CDC42SE2: variants seen among roughly 807,000 people sequenced by gnomAD.
The protein encoded by CDC42SE2 is CDC42 small effector protein 2.
In CDC42SE2, 3 loss-of-function variants were observed where a neutral mutation model predicts 11.5. That is an observed-to-expected ratio of 0.26 (90% confidence interval 0.12 to 0.67). CDC42SE2 has a LOEUF of 0.67. CDC42SE2 is among the 30% of genes least tolerant of loss of function. CDC42SE2 has a pLI of 0.80. For synonymous variants in CDC42SE2, 33 were observed against 34.8 expected, an observed-to-expected ratio of 0.95 and a Z score of 0.18; for missense variants, 82 against 106.8, an observed-to-expected ratio of 0.77 and a Z score of 1.02.
At chr5:131,356,825 C>G (rs2149768250) in intron 2 of CDC42SE2, among the ~76,000 whole-genome samples, 1 of 152,206 alleles carries the variant, frequency 6.6e-6, no homozygotes, top group East Asian at 1.9e-4. Context: ...GGAGGATCAC[C>G]TGAGCTCAGA....
the CDC42SE2 span, among the ~76,000 whole-genome samples, chr5:131,215,893 TA>T: frequency 6.6e-6 from 1 of 152,228 alleles, no homozygotes; most frequent in Non-Finnish European, 1.5e-5. Context: ...AACTGTCTTT[TA>T]AAAATTATGA....
chr5:131,215,195 C>T, the CDC42SE2 span, among the ~76,000 whole-genome samples: 1 of 152,224 alleles, frequency 6.6e-6, no homozygotes, highest in African/African-American at 2.4e-5. Flanking sequence ...CTAGTCACAG[C>T]TGTGTCGCTG....
At chr5:131,335,585 T>C (rs1758536705) in intron 2 of CDC42SE2, among the ~76,000 whole-genome samples, 2 of 152,206 alleles carry the variant, frequency 1.3e-5, no homozygotes, top group South Asian at 4.1e-4. Flanking sequence ...TCTCCCGTTA[T>C]TATCGTGTGG....
chr5:131,369,522 T>A (rs1315000899), intron 3 of CDC42SE2, among the ~76,000 whole-genome samples: 2 of 152,240 alleles, frequency 1.3e-5, no homozygotes, highest in African/African-American at 4.8e-5. Flanking sequence ...GTTACCATCT[T>A]ACATTCCCAC....
intron 1 of CDC42SE2, among the ~76,000 whole-genome samples, chr5:131,254,210 C>G (rs1333431904): frequency 1.3e-5 from 2 of 152,116 alleles, no homozygotes; most frequent in Admixed American, 6.6e-5. Context: ...CCAGCAGGCC[C>G]TGGGGCACAC....
chr5:131,311,621 T>A (rs1757916245), intron 1 of CDC42SE2, among the ~76,000 whole-genome samples: 1 of 152,206 alleles, frequency 6.6e-6, no homozygotes, highest in Non-Finnish European at 1.5e-5. Flanking sequence ...GTCCCATATT[T>A]CTTGAAGACT....
chr5:131,277,845 T>C (rs1416498662), intron 1 of CDC42SE2, among the ~76,000 whole-genome samples: 1 of 152,214 alleles, frequency 6.6e-6, no homozygotes, highest in Admixed American at 6.5e-5. Flanking sequence ...CTTGAAATTA[T>C]GTGTTTTTTA....
rs973990194 is a variant in CDC42SE2 at position 131,349,061 on chromosome 5, A to T, written c.-285-10148A>T. On this transcript the variant is annotated intron_variant, in intron 2 of 4. Coordinates refer to ENST00000505065, the MANE Select transcript of CDC42SE2 (RefSeq NM_001375635.1). ...CCTAGAAGAAAACCTAGGTAATACC[A>T]TTCAGGACATAGGCATGGGCAAGGA... Among the ~76,000 whole-genome samples the T allele has an allele frequency of 2.0e-5, 3 of 152,164 alleles. No individual in the cohort carries two copies. In the South Asian group the frequency reaches 6.2e-4, roughly 31 times the overall value.
chr5:131,282,757 T>C (rs1757263236), intron 1 of CDC42SE2, among the ~76,000 whole-genome samples: 1 of 150,694 alleles, frequency 6.6e-6, no homozygotes, highest in Non-Finnish European at 1.5e-5. Flanking sequence ...GCCTCCCGAG[T>C]AGCTGGGACT....
At chr5:131,274,802 A>T (rs1182798768) in intron 1 of CDC42SE2, among the ~76,000 whole-genome samples, 1 of 152,148 alleles carries the variant, frequency 6.6e-6, no homozygotes, top group Admixed American at 6.6e-5. Context: ...GTGTTGCTTT[A>T]GTGCTAGTAG....
At chr5:131,223,869 T>G in the CDC42SE2 span, among the ~76,000 whole-genome samples, 2 of 152,126 alleles carry the variant, frequency 1.3e-5, no homozygotes, top group Non-Finnish European at 2.9e-5. Flanking sequence ...CCCACATGAC[T>G]CCACCAAAAC....
chr5:131,244,329 C>A (rs1387782170), upstream of CDC42SE2, among the ~76,000 whole-genome samples: 1 of 152,196 alleles, frequency 6.6e-6, no homozygotes, highest in Admixed American at 6.5e-5. Flanking sequence ...AAGATTTGAA[C>A]AATATGGTTA....
At chr5:131,216,518 A>AAAAAAAAAAAAAAAAC in the CDC42SE2 span, among the ~76,000 whole-genome samples, 9 of 146,006 alleles carry the variant, frequency 6.2e-5, no homozygotes, top group African/African-American at 2.5e-4. Context: ...AAAAAAAAAA[A>AAAAAAAAAAAAAAAAC]AAAACATTAT....
At chr5:131,332,873 G>T (rs753166162) in intron 2 of CDC42SE2, among the ~76,000 whole-genome samples, 30 of 152,236 alleles carry the variant, frequency 2.0e-4, no homozygotes, top group East Asian at 1.2e-3. Flanking sequence ...TATTAGCCCT[G>T]TGTCAGATGA....
intron 2 of CDC42SE2, among the ~76,000 whole-genome samples, chr5:131,358,162 T>C (rs1232477623): frequency 1.3e-5 from 2 of 152,244 alleles, no homozygotes; most frequent in African/African-American, 4.8e-5. Context: ...AATCTGATGA[T>C]TGCAAAACTT....
intron 3 of CDC42SE2, among the ~76,000 whole-genome samples, chr5:131,372,035 T>G (rs1255785347): frequency 6.6e-6 from 1 of 152,216 alleles, no homozygotes; most frequent in Non-Finnish European, 1.5e-5. Flanking sequence ...TTGGTTTTAT[T>G]TGTTCTTGCA....
chr5:131,232,554 G>T, the CDC42SE2 span, among the ~76,000 whole-genome samples: 2 of 151,774 alleles, frequency 1.3e-5, no homozygotes, highest in Non-Finnish European at 2.9e-5. Context: ...CCAACATGAT[G>T]AAACCCCATC....
chr5:131,265,511 T>C (rs1018917697), intron 1 of CDC42SE2, among the ~76,000 whole-genome samples: 10 of 152,216 alleles, frequency 6.6e-5, no homozygotes, highest in Admixed American at 4.6e-4. Context: ...TCAACAGATA[T>C]TCATTAAGCA....
upstream of CDC42SE2, among the ~76,000 whole-genome samples, chr5:131,241,876 T>G (rs1425082029): frequency 6.6e-6 from 1 of 152,272 alleles, no homozygotes; most frequent in East Asian, 1.9e-4. Flanking sequence ...CCTCTTTCTT[T>G]AATCTCTGGT....
Sources: gnomAD v4.1 joint callset for allele counts (sites outside exome capture counted in the v4.1 genomes callset) on GRCh38, gnomAD v4.1.1 for gene constraint, MANE v1.5 for transcripts, NCBI Gene and HGNC (gene_info 2026-07-23, HGNC 2026-07-21) for gene names.